Variants in CEMIP2 observed in about 807,000 individuals in gnomAD.
The protein encoded by CEMIP2 is cell surface hyaluronidase CEMIP2.
In CEMIP2, 79 loss-of-function variants were observed where a neutral mutation model predicts 146.9. The observed-to-expected ratio is 0.54, with a 90% confidence interval of 0.45 to 0.65. The LOEUF (loss-of-function observed/expected upper bound fraction) is 0.65, where lower values mean the gene tolerates loss of function less well. CEMIP2 is among the 30% of genes least tolerant of loss of function. The probability of loss-of-function intolerance (pLI) is 0.00; values close to 1 mark genes in which losing one functional copy is unlikely to be tolerated. For synonymous variants in CEMIP2, 601 were observed against 606.3 expected (o/e 0.99, Z 0.13); for missense variants, 1,596 against 1,696.2 (o/e 0.94, Z 1.04).
In CEMIP2 at chr9:71,745,553, C is replaced by T. The variant is rs1824063567; in HGVS notation, c.499G>A (p.Asp167Asn). ...CTCAAAGTAATATTTCTGGATCCAT[C>T]TTTATTGTCCCCAAATACAAGCAGT... ...GGLLVFGDNK[D>N]GSRNITLRTH... The change falls in exon 4 of 24, where the codon GAT (aspartate) becomes AAT (asparagine). Residue 167 changes from aspartate (D) to asparagine (N), a missense_variant. Transcript: ENST00000377044. The T allele has an allele frequency of 6.2e-7, 1 of 1,608,558 alleles. No individual in the cohort carries two copies. Among genetic ancestry groups the T allele is most frequent in the South Asian group, 1.1e-5 (1 of 90,998 alleles).
intron 10 of CEMIP2, among the ~76,000 whole-genome samples, chr9:71,727,323 C>T (rs1376948917): frequency 6.6e-6 from 1 of 152,170 alleles, no homozygotes; most frequent in Non-Finnish European, 1.5e-5. Context: ...GATGGCTGTG[C>T]ATCAACTTCT....
chr9:71,695,417 G>A (rs778093900), intron 20 of CEMIP2, among the ~76,000 whole-genome samples: 3 of 152,150 alleles, frequency 2.0e-5, no homozygotes, highest in Non-Finnish European at 4.4e-5. Flanking sequence ...GTTCATGCCT[G>A]TAATCCCAGC....
chr9:71,734,858 C>T lies in CEMIP2; in HGVS notation c.1341G>A (p.Glu447=). The change falls in exon 6 of 24, where the codon GAG becomes GAA. Residue 447 remains glutamate (E), a synonymous_variant. Coordinates refer to ENST00000377044, the MANE Select transcript of CEMIP2 (RefSeq NM_013390.3). ...STDYSMYQAE[E]FTLLPCSECS... ...ATTCAGAACAGGGAAGAAGAGTGAACTCCTCTGCTTGGTACATGGAATAGT... is the reference window on the plus strand; with the variant it reads ...ATTCAGAACAGGGAAGAAGAGTGAATTCCTCTGCTTGGTACATGGAATAGT... The T allele has an allele frequency of 6.2e-7, 1 of 1,613,872 alleles. No individual in the cohort carries two copies. Among genetic ancestry groups the T allele is most frequent in the Non-Finnish European group, 8.5e-7 (1 of 1,179,884 alleles).
intron 12 of CEMIP2, among the ~76,000 whole-genome samples, chr9:71,721,308 A>C (rs1291655588): frequency 6.6e-6 from 1 of 152,158 alleles, no homozygotes; most frequent in Non-Finnish European, 1.5e-5. Flanking sequence ...CTCTTAGTTC[A>C]TAATTTATTG....
intron 21 of CEMIP2, among the ~76,000 whole-genome samples, 190 bp downstream of exon 21, chr9:71,694,319 C>T (rs1223450512): frequency 2.6e-5 from 4 of 151,866 alleles, no homozygotes; most frequent in South Asian, 2.1e-4. Context: ...GTAGAGACAG[C>T]GTTTCACCAT....
chr9:71,719,504 C>A (rs933065371), intron 12 of CEMIP2, among the ~76,000 whole-genome samples: 1 of 152,006 alleles, frequency 6.6e-6, no homozygotes, highest in Non-Finnish European at 1.5e-5. Flanking sequence ...CTTTTTTGTT[C>A]TTTTAAGAGA....
intron 10 of CEMIP2, among the ~76,000 whole-genome samples, chr9:71,728,285 A>ATATATATACG (rs1823491655): frequency 3.7e-5 from 1 of 27,310 alleles, no homozygotes; most frequent in African/African-American, 1.1e-4. Context: ...ATATATGTAT[A>ATATATATACG]TATATATATA....
At chr9:71,744,001 T>G (rs1824000282) in intron 4 of CEMIP2, among the ~76,000 whole-genome samples, 2 of 152,124 alleles carry the variant, frequency 1.3e-5, no homozygotes, top group South Asian at 4.2e-4. Flanking sequence ...ATTAAAAGCT[T>G]CTGTCTTTTA....
At chr9:71,715,181 G>T in intron 14 of CEMIP2, 92 bp from the exon 15 acceptor site, 23 of 1,186,592 alleles carry the variant, frequency 1.9e-5, no homozygotes, top group Middle Eastern at 2.6e-4. Context: ...AAAGCTAAAA[G>T]TTTTAAAAGA....
intron 18 of CEMIP2, among the ~76,000 whole-genome samples, chr9:71,702,636 A>T (rs536343729): frequency 6.6e-6 from 1 of 152,202 alleles, no homozygotes; most frequent in Middle Eastern, 3.4e-3. Flanking sequence ...AACTTCTAAA[A>T]GTGTTATTTT....
chr9:71,737,214 A>T (rs751059596), intron 5 of CEMIP2, among the ~76,000 whole-genome samples: 61 of 150,784 alleles, frequency 4.0e-4, no homozygotes, highest in Non-Finnish European at 7.5e-4. Context: ...GCACTTTGGG[A>T]GGTCAAGGTG....
intron 18 of CEMIP2, among the ~76,000 whole-genome samples, chr9:71,703,556 A>T (rs1477971431): frequency 6.6e-6 from 1 of 152,188 alleles, no homozygotes; most frequent in East Asian, 1.9e-4. Flanking sequence ...TCAGGGCTTG[A>T]TGACGACTCA....
rs1479688227 is a variant in CEMIP2 at position 71,718,082 on chromosome 9, AG to A, written c.2268-4del. ...TTGCATCCTGATGAGGTCGAAATCTAGGGGTTAAAAAAAGAATTTTAAAAAA... is the reference window on the plus strand; with the variant it reads ...TTGCATCCTGATGAGGTCGAAATCTAGGGTTAAAAAAAGAATTTTAAAAAA... On this transcript the variant is annotated splice_region_variant and splice_polypyrimidine_tract_variant and intron_variant, in intron 12 of 23. Transcript: ENST00000377044. 6.3e-7 allele frequency: 1 copy of A among 1,594,990 alleles called. No individual in the cohort carries two copies. The highest frequency in any genetic ancestry group is 1.7e-5 in the Admixed American group (1 of 57,544).
chr9:71,711,336 A>G (rs1158023268), intron 16 of CEMIP2, among the ~76,000 whole-genome samples: 1 of 151,886 alleles, frequency 6.6e-6, no homozygotes, highest in Non-Finnish European at 1.5e-5. Context: ...CCAAGCTGAG[A>G]GGACCATTTG....
In CEMIP2 at chr9:71,745,485, A is replaced by G; in HGVS notation, c.567T>C (p.Ile189=). The G allele has an allele frequency of 6.2e-7, 1 of 1,613,954 alleles. No homozygotes were observed. ...ATTTATAGCGGCATTTTTCTGCTCC[A>G]ATATGAAGCGCCCCACCATCCTGGA... The part of the protein sequence containing the change: ...ILIQDGGALH[I]GAEKCRYKSK... Residue 189 remains isoleucine, a synonymous_variant, in exon 4 of 24, where the codon ATT becomes ATC. Coordinates refer to ENST00000377044, the MANE Select transcript of CEMIP2 (RefSeq NM_013390.3).
intron 21 of CEMIP2, among the ~76,000 whole-genome samples, chr9:71,691,924 C>G (rs1192645008): frequency 2.0e-5 from 3 of 152,098 alleles, no homozygotes; most frequent in African/African-American, 7.2e-5. Context: ...CCCTGGCCAA[C>G]ATGGTGAAAC....
At position 71,729,255 on chromosome 9, in the gene CEMIP2, A is replaced by C. The variant is rs1200435930; in HGVS notation, c.2049+590T>G. 5.9e-5 allele frequency among the ~76,000 whole-genome samples: 9 copies of C among 152,246 alleles called. No homozygotes were observed. The East Asian group carries it at 1.7e-3, about 29-fold the overall frequency. Reference sequence around the variant, plus strand: ...TAATACACCAAAAATACACTCTGGAAATAACATAACCCTAGTGATTAGCCC... The same window carrying C: ...TAATACACCAAAAATACACTCTGGACATAACATAACCCTAGTGATTAGCCC... On this transcript the variant is annotated intron_variant, in intron 10 of 23. Transcript: ENST00000377044.
chr9:71,724,259 A>C (rs1457632492), intron 11 of CEMIP2, among the ~76,000 whole-genome samples: 1 of 152,002 alleles, frequency 6.6e-6, no homozygotes, highest in Non-Finnish European at 1.5e-5. Flanking sequence ...GCACCACTGC[A>C]CTCTAGCCTG....
At chr9:71,739,951 G>T in intron 5 of CEMIP2, 112 bp downstream of exon 5, 1 of 1,026,356 alleles carries the variant, frequency 9.7e-7, no homozygotes, top group Non-Finnish European at 1.4e-6. Flanking sequence ...TCAACTAGTT[G>T]AGAAATCTAA....
Sources: allele counts gnomAD v4.1 joint callset (sites outside exome capture counted in the v4.1 genomes callset), GRCh38; gene constraint gnomAD v4.1.1; transcripts MANE v1.5; gene names NCBI Gene and HGNC (gene_info 2026-07-23, HGNC 2026-07-21).